PTPRD: variants seen among roughly 807,000 people sequenced by gnomAD.
PTPRD encodes the protein protein tyrosine phosphatase receptor type D.
A neutral mutation model predicts 214.5 loss-of-function variants in PTPRD; 34 were observed. That is an observed-to-expected ratio of 0.16 (90% CI 0.12 to 0.21). The LOEUF (loss-of-function observed/expected upper bound fraction) is 0.21, where lower values mean the gene tolerates loss of function less well. PTPRD is among the 10% of genes least tolerant of loss of function. The probability of loss-of-function intolerance (pLI) is 1.00; values close to 1 mark genes in which losing one functional copy is unlikely to be tolerated. For synonymous variants in PTPRD, 1,128 were observed against 845.7 expected, an observed-to-expected ratio of 1.33 and a Z score of -5.79; for missense variants, 2,545 against 2,398.7, an observed-to-expected ratio of 1.06 and a Z score of -1.27.
chr9:10,418,656 A>C (rs886766852), intron 2 of PTPRD, among the ~76,000 whole-genome samples: 1 of 151,786 alleles, frequency 6.6e-6, no homozygotes, highest in Admixed American at 6.6e-5. Flanking sequence ...TAACAGGAAC[A>C]TTGTTTTGTT....
intron 9 of PTPRD, among the ~76,000 whole-genome samples, chr9:9,296,076 A>G (rs967479264): frequency 6.6e-6 from 1 of 151,782 alleles, no homozygotes; most frequent in Non-Finnish European, 1.5e-5. Context: ...CTCAGCTTTG[A>G]GGTCAATACC....
At chr9:8,834,725 CTGTT>C (rs903463728) in intron 11 of PTPRD, among the ~76,000 whole-genome samples, 4 of 152,152 alleles carry the variant, frequency 2.6e-5, no homozygotes, top group African/African-American at 4.8e-5. Context: ...ATTTAAAAAA[CTGTT>C]TGACCCACAG....
At chr9:9,859,922 T>C (rs748021319) in intron 5 of PTPRD, among the ~76,000 whole-genome samples, 4 of 152,254 alleles carry the variant, frequency 2.6e-5, no homozygotes, top group Admixed American at 2.0e-4. Context: ...TATAGAAAAA[T>C]TGCAACTTAG....
At chr9:10,508,194 A>T (rs960034767) in intron 2 of PTPRD, among the ~76,000 whole-genome samples, 19 of 152,238 alleles carry the variant, frequency 1.2e-4, no homozygotes, top group African/African-American at 4.6e-4. Context: ...TACATGAAAA[A>T]ATGCTCATCA....
chr9:8,755,218 TAA>T (rs377583048), intron 11 of PTPRD, among the ~76,000 whole-genome samples: 1 of 134,124 alleles, frequency 7.5e-6, no homozygotes, highest in East Asian at 2.1e-4. Flanking sequence ...ATGTTATTAT[TAA>T]AAAAAAAAAA....
At chr9:10,499,417 G>T (rs1200593733) in intron 2 of PTPRD, among the ~76,000 whole-genome samples, 1 of 151,902 alleles carries the variant, frequency 6.6e-6, no homozygotes, top group African/African-American at 2.4e-5. Context: ...CATCTTTTTT[G>T]TATCTGCCCA....
At chr9:10,591,781 G>A (rs1249496905) in intron 2 of PTPRD, among the ~76,000 whole-genome samples, 6 of 152,052 alleles carry the variant, frequency 3.9e-5, no homozygotes, top group Non-Finnish European at 1.5e-5. Flanking sequence ...AAGGCAGGGT[G>A]GCATTTCTTT....
At chr9:8,579,461 T>C (rs1308063543) in intron 14 of PTPRD, among the ~76,000 whole-genome samples, 1 of 152,194 alleles carries the variant, frequency 6.6e-6, no homozygotes, top group Non-Finnish European at 1.5e-5. Flanking sequence ...TGACTGTTCA[T>C]TCATTCCACG....
At chr9:9,021,459 C>A (rs2099569291) in intron 10 of PTPRD, among the ~76,000 whole-genome samples, 1 of 152,012 alleles carries the variant, frequency 6.6e-6, no homozygotes, top group African/African-American at 2.4e-5. Context: ...GGTATTAATA[C>A]TTGATAATCA....
intron 11 of PTPRD, among the ~76,000 whole-genome samples, chr9:8,763,443 G>A (rs971153874): frequency 6.6e-6 from 1 of 152,042 alleles, no homozygotes; most frequent in Non-Finnish European, 1.5e-5. Context: ...ATATCCAGGA[G>A]GAGGAGGTTG....
At chr9:10,404,082 C>T (rs967856044) in intron 2 of PTPRD, among the ~76,000 whole-genome samples, 1 of 151,632 alleles carries the variant, frequency 6.6e-6, no homozygotes, top group Admixed American at 6.6e-5. Context: ...GCCATGCATA[C>T]GTGAAGGTAG....
At chr9:8,504,230 A>C (rs1174351993) in intron 23 of PTPRD, 31 bp downstream of exon 23, 3 of 1,611,918 alleles carry the variant, frequency 1.9e-6, no homozygotes, top group Non-Finnish European at 2.5e-6. Flanking sequence ...GGAAATAAAA[A>C]GGCAGAAAGT....
intron 12 of PTPRD, among the ~76,000 whole-genome samples, chr9:8,709,762 T>G (rs1195309786): frequency 6.6e-6 from 1 of 152,022 alleles, no homozygotes; most frequent in African/African-American, 2.4e-5. Flanking sequence ...GAAGAGTCAG[T>G]CTACATAACC....
intron 9 of PTPRD, among the ~76,000 whole-genome samples, chr9:9,291,798 T>C (rs2134129965): frequency 6.6e-6 from 1 of 150,958 alleles, no homozygotes; most frequent in South Asian, 2.1e-4. Context: ...TTTCTCTCTT[T>C]TTTTAGGTTT....
chr9:8,545,208 T>G (rs1292534352), intron 14 of PTPRD, among the ~76,000 whole-genome samples: 3 of 152,202 alleles, frequency 2.0e-5, no homozygotes, highest in Admixed American at 6.5e-5. Flanking sequence ...CAAATTCATT[T>G]CCCAACATCA....
At chr9:10,154,557 T>C (rs933611308) in intron 3 of PTPRD, among the ~76,000 whole-genome samples, 1 of 152,164 alleles carries the variant, frequency 6.6e-6, no homozygotes, top group Non-Finnish European at 1.5e-5. Flanking sequence ...CCCAGAATGT[T>C]ATTGCCTAGG....
chr9:9,512,018 G>A (rs1352449081), intron 8 of PTPRD, among the ~76,000 whole-genome samples: 1 of 151,648 alleles, frequency 6.6e-6, no homozygotes, highest in African/African-American at 2.4e-5. Context: ...ATCCCATCTA[G>A]AAGAACAGAT....
intron 3 of PTPRD, among the ~76,000 whole-genome samples, chr9:10,129,125 G>A (rs757621022): frequency 2.0e-5 from 3 of 152,092 alleles, no homozygotes; most frequent in East Asian, 1.9e-4. Flanking sequence ...GAAAGAAAGC[G>A]ATTGGACCTT....
intron 8 of PTPRD, among the ~76,000 whole-genome samples, chr9:9,432,024 T>C (rs146568651): frequency 0.061 from 8,896 of 146,802 alleles, 348 homozygotes; most frequent in Middle Eastern, 0.16. Flanking sequence ...GCATGTTGTG[T>C]ACATGTACCC....
Sources: allele counts gnomAD v4.1 joint callset (sites outside exome capture counted in the v4.1 genomes callset), GRCh38; gene constraint gnomAD v4.1.1; transcripts MANE v1.5; gene names NCBI Gene and HGNC (gene_info 2026-07-23, HGNC 2026-07-21).